Variants in ETV7 observed in about 807,000 individuals in gnomAD.
ETV7 encodes the protein ETS variant transcription factor 7.
In ETV7, 43 loss-of-function variants were observed where a neutral mutation model predicts 39.1. That is an observed-to-expected ratio of 1.10 (90% CI 0.86 to 1.42). The LOEUF (loss-of-function observed/expected upper bound fraction) is 1.42. Among genes scored for constraint, ETV7 ranks in the 40% most tolerant of loss-of-function variants. The probability of loss-of-function intolerance (pLI) is 0.00; values close to 1 mark genes in which losing one functional copy is unlikely to be tolerated. For missense variants in ETV7, 432 were observed against 442.3 expected (o/e 0.98, Z 0.21); for synonymous variants, 196 against 176.6 (o/e 1.11, Z -0.87).
intron 4 of ETV7, 33 bp from the exon 5 acceptor site, chr6:36,371,593 A>T (rs367883994): frequency 3.5e-5 from 54 of 1,533,808 alleles, no homozygotes; most frequent in Non-Finnish European, 4.7e-5. Flanking sequence ...GGTAGCAGGC[A>T]GTGGGCCCCA....
chr6:36,374,944 C>T (rs1273032079), intron 3 of ETV7, among the ~76,000 whole-genome samples: 1 of 152,070 alleles, frequency 6.6e-6, no homozygotes, highest in African/African-American at 2.4e-5. Flanking sequence ...TGGCAGGCGC[C>T]TGTAATCCCA....
chr6:36,370,025 A>G (rs1359519829), intron 5 of ETV7, among the ~76,000 whole-genome samples: 1 of 152,196 alleles, frequency 6.6e-6, no homozygotes, highest in Non-Finnish European at 1.5e-5. Flanking sequence ...GTAACGATCA[A>G]GTCAGGGTAC....
chr6:36,369,440 C>T (rs1436872957), intron 5 of ETV7, among the ~76,000 whole-genome samples: 1 of 152,206 alleles, frequency 6.6e-6, no homozygotes, highest in Non-Finnish European at 1.5e-5. Flanking sequence ...AGGGGCTGGG[C>T]CCCTGACCCC....
chr6:36,358,833 G>A (rs1262122273), intron 7 of ETV7, among the ~76,000 whole-genome samples: 1 of 152,226 alleles, frequency 6.6e-6, no homozygotes, highest in Non-Finnish European at 1.5e-5. Context: ...GCTCAGAATT[G>A]CTGGAATTTT....
chr6:36,383,957 C>G (rs1269781866), intron 2 of ETV7, among the ~76,000 whole-genome samples: 1 of 152,296 alleles, frequency 6.6e-6, no homozygotes, highest in Admixed American at 6.5e-5. Context: ...CTGCAGGAAC[C>G]CCTTAGCCAG....
chr6:36,362,219 G>A (rs193298554), downstream of ETV7, among the ~76,000 whole-genome samples: 595 of 152,088 alleles, frequency 3.9e-3, 13 homozygotes, highest in South Asian at 0.052. Flanking sequence ...GGAGAATGGC[G>A]TGAACCCGGG....
rs1224597312 is a variant in ETV7, at chr6:36,371,548, G to A, written c.446C>T (p.Pro149Leu). 7 of 1,590,834 alleles carry A rather than the reference G, an allele frequency of 4.4e-6. No individual in the cohort carries two copies. The highest frequency in any genetic ancestry group is 6.0e-6 in the Non-Finnish European group (7 of 1,170,504). The stretch of plus-strand genomic sequence containing the variant: ...GCCCCTTCGGGTGTCCATCTGAGAG[G>A]GGCCAGTCACCTCTGCAAGCAGATG... Reference protein sequence around the residue: ...SPVPPEEVTGPSQMDTRRGHL... With the variant: ...SPVPPEEVTGLSQMDTRRGHL... Residue 149 changes from proline to leucine, a missense_variant, in exon 5 of 8, where the codon CCC becomes CTC. By Grantham distance (98) the Pro-to-Leu change is moderately conservative. Coordinates refer to ENST00000340181, the MANE Select transcript of ETV7 (RefSeq NM_016135.4).
At chr6:36,362,654 A>G (rs1270894389), downstream of ETV7, among the ~76,000 whole-genome samples, 1 of 152,216 alleles carries the variant, frequency 6.6e-6, no homozygotes, top group Non-Finnish European at 1.5e-5. Context: ...CCAGGGGTCC[A>G]TCCCCAGACC....
intron 2 of ETV7, among the ~76,000 whole-genome samples, chr6:36,384,636 T>A (rs1391278640): frequency 1.3e-5 from 2 of 152,126 alleles, no homozygotes; most frequent in Non-Finnish European, 2.9e-5. Flanking sequence ...ACACCTGTCA[T>A]CCCAGCATTT....
At chr6:36,362,962 A>G (rs1353453451), downstream of ETV7, among the ~76,000 whole-genome samples, 3 of 152,240 alleles carry the variant, frequency 2.0e-5, no homozygotes, top group East Asian at 1.9e-4. Context: ...AATGCTGAGA[A>G]GAGGAAATGA....
intron 4 of ETV7, among the ~76,000 whole-genome samples, chr6:36,372,070 C>G (rs1009310494): frequency 2.0e-5 from 3 of 152,136 alleles, no homozygotes; most frequent in African/African-American, 7.2e-5. Context: ...AATAAATCAC[C>G]CTAAGGCAGA....
intron 1 of ETV7, 43 bp from the exon 2 acceptor site, chr6:36,385,712 G>T (rs778678832): frequency 1.3e-6 from 2 of 1,561,062 alleles, no homozygotes; most frequent in East Asian, 2.3e-5. Context: ...GAGCATCTTG[G>T]TGAAGGCTCA....
At chr6:36,362,987 C>T (rs1047762021), downstream of ETV7, among the ~76,000 whole-genome samples, 3 of 152,194 alleles carry the variant, frequency 2.0e-5, no homozygotes, top group African/African-American at 4.8e-5. Flanking sequence ...GCTTCAGGAG[C>T]GAAGAAGCTG....
At chr6:36,362,239 T>A (rs1582165054), downstream of ETV7, among the ~76,000 whole-genome samples, 1 of 151,860 alleles carries the variant, frequency 6.6e-6, no homozygotes, top group Non-Finnish European at 1.5e-5. Context: ...GAGGCAGAGC[T>A]TGCAGCGAGC....
chr6:36,387,060 C>A (rs1773941708), intron 1 of ETV7: 2 of 248,788 alleles, frequency 8.0e-6, no homozygotes, highest in South Asian at 4.2e-5. Context: ...TGGGTCCTGG[C>A]GAGAGGGGAG....
At chr6:36,372,258 C>T (rs938944334) in intron 4 of ETV7, among the ~76,000 whole-genome samples, 4 of 152,038 alleles carry the variant, frequency 2.6e-5, no homozygotes, top group Non-Finnish European at 4.4e-5. Context: ...GGGGCAGGAG[C>T]ATCTCAGACT....
At chr6:36,362,692 G>A (rs554561105), downstream of ETV7, among the ~76,000 whole-genome samples, 1 of 152,216 alleles carries the variant, frequency 6.6e-6, no homozygotes, top group Non-Finnish European at 1.5e-5. Context: ...GGGAGATGGA[G>A]AAAAGGTGGC....
intron 2 of ETV7, among the ~76,000 whole-genome samples, chr6:36,376,352 G>A (rs545007528): frequency 9.8e-5 from 15 of 152,324 alleles, no homozygotes; most frequent in Admixed American, 3.3e-4. Flanking sequence ...CCTACTATGT[G>A]CCAGCACTGG....
chr6:36,365,028 C>G (rs1182922458), downstream of ETV7, among the ~76,000 whole-genome samples: 1 of 152,210 alleles, frequency 6.6e-6, no homozygotes, highest in African/African-American at 2.4e-5. Context: ...GAGTCCTTAT[C>G]AAGGACTTCT....
Sources: allele counts gnomAD v4.1 joint callset (sites outside exome capture counted in the v4.1 genomes callset), GRCh38; gene constraint gnomAD v4.1.1; transcripts MANE v1.5; gene names NCBI Gene and HGNC (gene_info 2026-07-23, HGNC 2026-07-21).